Variants in CAT observed in about 807,000 individuals in gnomAD.
The protein encoded by CAT is catalase.
A neutral mutation model predicts 59.0 loss-of-function variants in CAT; 43 were observed. The observed-to-expected ratio is 0.73, with a 90% CI of 0.57 to 0.94. The LOEUF is 0.94. CAT is among the 40% of genes least tolerant of loss of function. The probability of loss-of-function intolerance (pLI) is 0.00; values close to 1 mark genes in which losing one functional copy is unlikely to be tolerated. For missense variants in CAT, 664 were observed against 682.9 expected (o/e 0.97, Z 0.31); for synonymous variants, 218 against 230.9 (o/e 0.94, Z 0.51).
In CAT at chr11:34,449,200, T is replaced by A; in HGVS notation, c.75T>A (p.Asp25Glu). 6.2e-7 allele frequency: 1 copy of A among 1,614,146 alleles called. No individual in the cohort carries two copies. ...TTTCTGTGTTCCTGTAGAAAGCTGA[T>A]GTCCTGACCACTGGAGCTGGTAACC... ...WKEQRAAQKA[D>E]VLTTGAGNPV... is the part of the protein sequence containing the mutation. Residue 25 changes from aspartate to glutamate, a missense_variant, in exon 2 of 13, where the codon GAT becomes GAA. Coordinates refer to ENST00000241052, the MANE Select transcript of CAT (RefSeq NM_001752.4).
intron 8 of CAT, among the ~76,000 whole-genome samples, chr11:34,457,965 A>G (rs911593101): frequency 2.6e-5 from 4 of 152,236 alleles, no homozygotes; most frequent in Non-Finnish European, 5.9e-5. Flanking sequence ...TTTTATAGAA[A>G]GTAAGTTTTT....
At chr11:34,458,411 G>C (rs1856614539) in intron 8 of CAT, among the ~76,000 whole-genome samples, 1 of 152,146 alleles carries the variant, frequency 6.6e-6, no homozygotes, top group Admixed American at 6.5e-5. Flanking sequence ...CACTCCTCTT[G>C]GTGATAAATA....
chr11:34,463,840 G>A (rs1856680766), intron 9 of CAT, among the ~76,000 whole-genome samples: 1 of 152,200 alleles, frequency 6.6e-6, no homozygotes, highest in South Asian at 2.1e-4. Context: ...CCTTTGAAGT[G>A]TCAAAAGGGA....
chr11:34,445,739 A>T (rs1856445938), intron 1 of CAT, among the ~76,000 whole-genome samples: 1 of 152,008 alleles, frequency 6.6e-6, no homozygotes, highest in African/African-American at 2.4e-5. Context: ...AGCCATAGAG[A>T]AGCTTTTCTC....
At chr11:34,457,301 C>T (rs577594896) in intron 8 of CAT, among the ~76,000 whole-genome samples, 91 of 149,770 alleles carry the variant, frequency 6.1e-4, no homozygotes, top group African/African-American at 2.1e-3. Flanking sequence ...CAACCTCCGC[C>T]TCCCAGGTTC....
intron 9 of CAT, among the ~76,000 whole-genome samples, chr11:34,461,989 C>T (rs1017989970): frequency 5.3e-5 from 8 of 152,162 alleles, no homozygotes; most frequent in African/African-American, 1.9e-4. Context: ...AATCAACTTA[C>T]CACTTTTTGT....
chr11:34,452,923 A>G (rs1326450688), intron 4 of CAT, among the ~76,000 whole-genome samples, 167 bp from the exon 5 acceptor site: 1 of 152,098 alleles, frequency 6.6e-6, no homozygotes, highest in Non-Finnish European at 1.5e-5. Context: ...CTTAGATGCT[A>G]GTTGTCTATG....
chr11:34,452,853 T>TAA (rs532166250), intron 4 of CAT, among the ~76,000 whole-genome samples: 1 of 137,280 alleles, frequency 7.3e-6, no homozygotes, highest in Non-Finnish European at 1.6e-5. Context: ...GACCCTGTCT[T>TAA]AAAAAAAAAA....
intron 8 of CAT, among the ~76,000 whole-genome samples, chr11:34,459,341 C>T (rs1013515961): frequency 3.5e-4 from 53 of 152,146 alleles, no homozygotes; most frequent in Admixed American, 2.4e-3. Flanking sequence ...TAGGCAGTGG[C>T]GGTTGATATA....
intron 11 of CAT, 124 bp from the exon 12 acceptor site, chr11:34,470,834 G>T (rs927197378): frequency 7.3e-6 from 6 of 818,360 alleles, no homozygotes; most frequent in Non-Finnish European, 1.1e-5. Flanking sequence ...AACACCTGTA[G>T]TACTGCCTCC....
intron 11 of CAT, 101 bp downstream of exon 11, chr11:34,468,496 G>T: frequency 2.5e-6 from 2 of 809,518 alleles, no homozygotes; most frequent in Admixed American, 2.1e-5. Flanking sequence ...TGTTTTACTT[G>T]ACTTAAGAGA....
At chr11:34,450,369 A>G (rs777452736) in intron 2 of CAT, among the ~76,000 whole-genome samples, 1 of 152,154 alleles carries the variant, frequency 6.6e-6, no homozygotes, top group African/African-American at 2.4e-5. Flanking sequence ...TCGCTGTTAT[A>G]TCAGACACAA....
chr11:34,468,541 A>C, intron 11 of CAT, 146 bp downstream of exon 11: 1 of 669,640 alleles, frequency 1.5e-6, no homozygotes, highest in Non-Finnish European at 2.7e-6. Context: ...GTAATCCCCA[A>C]CCAACTTCTG....
In CAT at chr11:34,471,567, A is replaced by C; in HGVS notation, c.*134A>C. 1.3e-6 allele frequency: 1 copy of C among 747,156 alleles called. No individual in the cohort carries two copies. The highest frequency in any genetic ancestry group is 1.7e-5 in the African/African-American group (1 of 58,290). The allele number at this position is 747,156 out of a possible 1,614,324, so 46.3% of individuals were successfully genotyped here. A position where few individuals can be genotyped will look rare whatever the true frequency, so the allele number is the denominator to read the frequency against. ...TTCAAAATAGAGAATCCCACTTTCT[A>C]TAGCAGATTGTGTAACAATTTTAAT... On this transcript the variant is annotated 3_prime_UTR_variant, in exon 13 of 13. Coordinates refer to ENST00000241052, the MANE Select transcript of CAT (RefSeq NM_001752.4).
In CAT at chr11:34,461,332, C is replaced by T. The variant is rs771452188; in HGVS notation, c.1138C>T (p.Arg380Cys). ...TCATATACCTGTGAACTGTCCCTAC[C>T]GTGCTCGAGTGGCCAACTACCAGCG... ...YLHIPVNCPY[R>C]ARVANYQRDG... The change falls in exon 9 of 13, where the codon CGT becomes TGT. Residue 380 changes from arginine to cysteine, a missense_variant. Coordinates refer to ENST00000241052, the MANE Select transcript of CAT (RefSeq NM_001752.4). 32 of 1,614,100 alleles carry T rather than the reference C, an allele frequency of 2.0e-5. No individual in the cohort carries two copies. Among genetic ancestry groups the T allele is most frequent in the East Asian group, 2.2e-5 (1 of 44,892 alleles).
At chr11:34,442,791 G>T (rs1856407068) in intron 1 of CAT, among the ~76,000 whole-genome samples, 1 of 152,116 alleles carries the variant, frequency 6.6e-6, no homozygotes, top group African/African-American at 2.4e-5. Flanking sequence ...AGAGCGTGGA[G>T]AAGGGTATAT....
chr11:34,451,068 A>C lies in CAT; in HGVS notation c.319A>C (p.Thr107Pro). 1.2e-6 allele frequency: 2 copies of C among 1,612,556 alleles called. No individual in the cohort carries two copies. Among genetic ancestry groups the C allele is most frequent in the Non-Finnish European group, 1.7e-6 (2 of 1,178,702 alleles). Reference protein sequence around the residue: ...AKVFEHIGKKTPIAVRFSTVA... With the variant: ...AKVFEHIGKKPPIAVRFSTVA... ...GGTATTTGAGCATATTGGAAAGAAG[A>C]CTCCCATCGCAGTTCGGTTCTCCAC... is the stretch of plus-strand genomic sequence containing the variant. The change falls in exon 3 of 13, where the codon ACT becomes CCT. Residue 107 changes from threonine to proline, a missense_variant. Coordinates refer to ENST00000241052, the MANE Select transcript of CAT (RefSeq NM_001752.4).
At position 34,451,711 on chromosome 11, in the gene CAT, A is replaced by T. The variant is rs188668883; in HGVS notation, c.350-366A>T. ...ATTTTAACTCATTTTCTTAATGTTA[A>T]CCTCATCATTTTGACAACTCACTTA... On this transcript the variant is annotated intron_variant, in intron 3 of 12. Transcript: ENST00000241052. Among the ~76,000 whole-genome samples, 221 of 152,300 alleles carry T rather than the reference A, an allele frequency of 1.5e-3. 5 individuals are homozygous for T. Among genetic ancestry groups the T allele is most frequent in the Admixed American group, 0.014 (220 of 15,296 alleles).
rs759527816 is a variant in CAT, at chr11:34,456,203, G to A, written c.903+1G>A. On this transcript the variant is annotated splice_donor_variant, in intron 7 of 12. Coordinates refer to ENST00000241052, the MANE Select transcript of CAT (RefSeq NM_001752.4). LOFTEE classifies it high-confidence loss of function. ...ATTTAATCCATTCGATCTCACCAAG[G>A]TGAGTCAGTAAACAACTATATTGTT... The A allele has an allele frequency of 6.2e-7, 1 of 1,610,140 alleles. No homozygotes were observed. Among genetic ancestry groups the A allele is most frequent in the South Asian group, 1.1e-5 (1 of 90,996 alleles).
Sources: gnomAD v4.1 joint callset for allele counts (sites outside exome capture counted in the v4.1 genomes callset) on GRCh38, gnomAD v4.1.1 for gene constraint, MANE v1.5 for transcripts, NCBI Gene and HGNC (gene_info 2026-07-23, HGNC 2026-07-21) for gene names.